The following ITPR1 variants were observed in gnomAD, a reference collection of about 807,000 sequenced individuals.
The protein encoded by ITPR1 is inositol 1,4,5-trisphosphate receptor type 1, also known as inositol 1,4,5-trisphosphate-gated calcium channel ITPR1.
Under a neutral mutation model 318.4 loss-of-function variants are expected in ITPR1, and 96 were observed. That is an observed-to-expected ratio of 0.30 (90% CI 0.26 to 0.36). The LOEUF (loss-of-function observed/expected upper bound fraction) is 0.36. ITPR1 is among the 10% of genes least tolerant of loss of function. The pLI is 1.00. For synonymous variants in ITPR1, 1,312 were observed against 1,289.9 expected (o/e 1.02, Z -0.37); for missense variants, 2,440 against 3,460.2 (o/e 0.71, Z 7.40).
chr3:4,700,806 CT>C (rs1312544803), intron 35 of ITPR1, among the ~76,000 whole-genome samples: 1 of 152,192 alleles, frequency 6.6e-6, no homozygotes, highest in African/African-American at 2.4e-5. Flanking sequence ...TTCCATGTGG[CT>C]GGGGAGGCCT....
At chr3:4,639,492 CT>C in intron 6 of ITPR1, 22 bp downstream of exon 6, 1 of 1,506,544 alleles carries the variant, frequency 6.6e-7, no homozygotes, top group Non-Finnish European at 9.1e-7. Context: ...CAGCTCTTCC[CT>C]TCTGAAGCTG....
At chr3:4,838,591 C>T (rs1258392514) in intron 61 of ITPR1, among the ~76,000 whole-genome samples, 2 of 152,230 alleles carry the variant, frequency 1.3e-5, no homozygotes, top group African/African-American at 2.4e-5. Flanking sequence ...TAAAGGAACA[C>T]TTCAGTTCTC....
At chr3:4,550,459 TGATTGCA>T (rs2124997348) in intron 4 of ITPR1, among the ~76,000 whole-genome samples, 1 of 152,318 alleles carries the variant, frequency 6.6e-6, no homozygotes, top group African/African-American at 2.4e-5. Flanking sequence ...CCATAATAAA[TGATTGCA>T]GACTATTGTT....
intron 40 of ITPR1, among the ~76,000 whole-genome samples, chr3:4,718,916 G>A (rs2041953744): frequency 1.3e-5 from 2 of 152,170 alleles, no homozygotes; most frequent in Admixed American, 1.3e-4. Flanking sequence ...AGTTGTAAAT[G>A]CCTCACTGAT....
intron 40 of ITPR1, among the ~76,000 whole-genome samples, chr3:4,722,212 G>C (rs1415211641): frequency 2.0e-5 from 3 of 152,160 alleles, no homozygotes; most frequent in African/African-American, 7.2e-5. Context: ...AAAAACACTG[G>C]GAAGACAAGA....
chr3:4,818,761 A>G (rs1390468472), intron 60 of ITPR1, among the ~76,000 whole-genome samples: 1 of 152,140 alleles, frequency 6.6e-6, no homozygotes, highest in Non-Finnish European at 1.5e-5. Flanking sequence ...TGAGTTCCAA[A>G]TTAATCTTTT....
chr3:4,629,274 G>T (rs1197234569), intron 5 of ITPR1, among the ~76,000 whole-genome samples: 1 of 152,052 alleles, frequency 6.6e-6, no homozygotes, highest in African/African-American at 2.4e-5. Flanking sequence ...TGCACCCTCA[G>T]TTTGTCCTGT....
chr3:4,844,123 A>ATTT (rs34975561), intron 61 of ITPR1, among the ~76,000 whole-genome samples: 106,236 of 140,396 alleles, frequency 0.76, 40,948 homozygotes, highest in Non-Finnish European at 0.83. Context: ...GCAGACCAAG[A>ATTT]TTTTTTTTTT....
At chr3:4,612,427 C>T (rs976765680) in intron 4 of ITPR1, among the ~76,000 whole-genome samples, 2 of 152,056 alleles carry the variant, frequency 1.3e-5, no homozygotes, top group African/African-American at 4.8e-5. Flanking sequence ...GGCCCAATCC[C>T]CCATGGATAC....
intron 25 of ITPR1, 87 bp downstream of exon 25, chr3:4,680,778 A>C: frequency 4.9e-6 from 6 of 1,234,722 alleles, no homozygotes; most frequent in Non-Finnish European, 6.7e-6. Flanking sequence ...TTCTAGAAAA[A>C]GGGTGAAAAT....
intron 4 of ITPR1, among the ~76,000 whole-genome samples, chr3:4,542,500 T>C (rs2084553486): frequency 6.6e-6 from 1 of 152,230 alleles, no homozygotes; most frequent in Admixed American, 6.5e-5. Flanking sequence ...GGGAATTTCC[T>C]ATATATGTTA....
intron 4 of ITPR1, among the ~76,000 whole-genome samples, chr3:4,550,584 G>C (rs930412324): frequency 2.6e-5 from 4 of 152,152 alleles, no homozygotes; most frequent in Admixed American, 2.0e-4. Flanking sequence ...TTTCGTTCAT[G>C]GGACAAATGG....
Position 4,667,549 on chromosome 3 carries a change from G to A in ITPR1, c.1886G>A (p.Arg629Lys). ...VSLVRKNREP[R>K]FLDYLSDLCV... The stretch of plus-strand genomic sequence containing the variant: ...CTGGTGCGAAAGAACAGGGAGCCCA[G>A]GTGAGGCGGGAGTGGGGTCCATGCA... Residue 629 changes from arginine to lysine, a missense_variant and splice_region_variant, in exon 18 of 62, where the codon AGA (arginine) becomes AAA (lysine). Physicochemically the swap from Arg to Lys is conservative, Grantham distance 26. Transcript: ENST00000649015. The A allele has an allele frequency of 6.2e-7, 1 of 1,612,284 alleles. No individual in the cohort carries two copies. The highest frequency in any genetic ancestry group is 8.5e-7 in the Non-Finnish European group (1 of 1,179,082).
intron 31 of ITPR1, 36 bp from the exon 32 acceptor site, chr3:4,691,108 C>A (rs768206660): frequency 4.7e-5 from 69 of 1,468,060 alleles, no homozygotes; most frequent in Non-Finnish European, 6.1e-5. Flanking sequence ...AGCTTTTTGA[C>A]TTGTCCCTGT....
intron 12 of ITPR1, among the ~76,000 whole-genome samples, chr3:4,654,776 G>T (rs2093669540): frequency 6.6e-6 from 1 of 152,176 alleles, no homozygotes; most frequent in African/African-American, 2.4e-5. Context: ...AATTCAAATT[G>T]TAATTGTCCT....
Position 4,779,690 on chromosome 3 carries a change from G to A in ITPR1, c.6387+45G>A, listed in dbSNP as rs78956048. The A allele has an allele frequency of 0.04, 53,561 of 1,354,230 alleles. 1,323 individuals are homozygous for A. Among genetic ancestry groups the A allele is most frequent in the Middle Eastern group, 0.072 (399 of 5,542 alleles). The allele number at this position is 1,354,230 out of a possible 1,614,324, so 83.9% of individuals were successfully genotyped here. ...TGATGGTAGCACCAAGGAGCATTGC[G>A]ACGATATTTGGGACAGAGCAGAGGA... On this transcript the variant is annotated intron_variant, in intron 49 of 61. Transcript: ENST00000649015. This position sits in a 1 kb window ranked among gnomAD's most constrained non-coding sequence, Gnocchi z 4.0.
chr3:4,781,772 C>A (rs1175851418), intron 49 of ITPR1, among the ~76,000 whole-genome samples: 3 of 152,090 alleles, frequency 2.0e-5, no homozygotes, highest in African/African-American at 7.2e-5. Context: ...CACTGGAGTC[C>A]AGGAGTTCAA....
In ITPR1 at chr3:4,758,946, T is replaced by A. The variant is rs75743351; in HGVS notation, c.5545-7584T>A. ...ACGTTAGGTGTCAAAAACACTTTGA[T>A]TACTACCAAGAGCTACTCAGATGCA... On this transcript the variant is annotated intron_variant, in intron 44 of 61. Coordinates refer to ENST00000649015, the MANE Select transcript of ITPR1 (RefSeq NM_001378452.1). 9.3e-3 allele frequency among the ~76,000 whole-genome samples: 1,419 copies of A among 152,356 alleles called. 21 individuals carry two copies. Among genetic ancestry groups the A allele is most frequent in the African/African-American group, 0.032 (1,323 of 41,574 alleles).
At chr3:4,728,523 A>G (rs2042684573) in intron 42 of ITPR1, among the ~76,000 whole-genome samples, 1 of 152,204 alleles carries the variant, frequency 6.6e-6, no homozygotes, top group Admixed American at 6.5e-5. Flanking sequence ...CAGGCACACA[A>G]TGTGAAATAC....
Sources: allele counts gnomAD v4.1 joint callset (sites outside exome capture counted in the v4.1 genomes callset), GRCh38; gene constraint gnomAD v4.1.1; non-coding constraint Gnocchi (gnomAD v3.1); transcripts MANE v1.5; gene names NCBI Gene and HGNC (gene_info 2026-07-23, HGNC 2026-07-21).